The following COG8 variants were observed in gnomAD, a reference collection of about 807,000 sequenced individuals.
The protein encoded by COG8 is component of oligomeric golgi complex 8.
Under a neutral mutation model 46.5 loss-of-function variants are expected in COG8, and 45 were observed. That is an observed-to-expected ratio of 0.97 (90% CI 0.76 to 1.24). The LOEUF (loss-of-function observed/expected upper bound fraction) is 1.24, where lower values mean the gene tolerates loss of function less well. COG8 is among the 50% of genes most tolerant of loss of function. The probability of loss-of-function intolerance (pLI) is 0.00; values close to 1 mark genes in which losing one functional copy is unlikely to be tolerated. For missense variants in COG8, 793 were observed against 820.8 expected, an observed-to-expected ratio of 0.97 and a Z score of 0.41; for synonymous variants, 407 against 347.8, an observed-to-expected ratio of 1.17 and a Z score of -1.90.
rs2012089703 is a variant in COG8, at chr16:69,334,715, C to G, written c.1219G>C (p.Gly407Arg). 6.2e-7 allele frequency: 1 copy of G among 1,614,034 alleles called. No individual in the cohort carries two copies. Among genetic ancestry groups the G allele is most frequent in the African/African-American group, 1.3e-5 (1 of 74,928 alleles). The part of the protein sequence containing the change: ...YMLISAPAIL[G>R]TSNMPAAVPA... ...ACAGCAGCAGGCATGTTACTGGTGCCCAGGATGGCTGGAGCCGAGATGAGC... is the reference window on the plus strand; with the variant it reads ...ACAGCAGCAGGCATGTTACTGGTGCGCAGGATGGCTGGAGCCGAGATGAGC... The change falls in exon 3 of 6, where the codon GGC becomes CGC. Residue 407 changes from glycine to arginine, a missense_variant. Coordinates refer to ENST00000306875, the MANE Select transcript of COG8 (RefSeq NM_032382.5).
Position 69,339,484 on chromosome 16 carries a change from A to G in COG8, c.69T>C (p.Asp23=), listed in dbSNP as rs1301370887. 1.9e-6 allele frequency: 3 copies of G among 1,605,068 alleles called. No individual in the cohort carries two copies. In the Admixed American group the frequency reaches 5.0e-5, roughly 27 times the overall value. ...GGAACAGCGACGCCAGGAGCCCTTC[A>G]TCCTCCACCTCGCCGAGAGCCGCTG... ...ATAAALGEVE[D]EGLLASLFRD... The change falls in exon 1 of 6, where the codon GAT becomes GAC. Residue 23 remains aspartate, a synonymous_variant. Coordinates refer to ENST00000306875, the MANE Select transcript of COG8 (RefSeq NM_032382.5).
Position 69,336,662 on chromosome 16 carries a change from C to T in COG8, c.428G>A (p.Ser143Asn), listed in dbSNP as rs776301238. ...EEISSNRRMNSLTLNRHTEIL... is the reference protein window; with the variant it reads ...EEISSNRRMNNLTLNRHTEIL... Reference sequence around the variant, plus strand: ...TTCTGTGTGCCGGTTTAGGGTCAGGCTATTCATCCGGCGGTTGGAGCTGAT... The same window carrying T: ...TTCTGTGTGCCGGTTTAGGGTCAGGTTATTCATCCGGCGGTTGGAGCTGAT... Residue 143 changes from serine (S) to asparagine (N), a missense_variant, in exon 2 of 6, where the codon AGC (serine) becomes AAC (asparagine). Physicochemically the swap from Ser to Asn is conservative, Grantham distance 46. Coordinates refer to ENST00000306875, the MANE Select transcript of COG8 (RefSeq NM_032382.5). 2.5e-6 allele frequency: 4 copies of T among 1,614,128 alleles called. No individual in the cohort carries two copies. Among genetic ancestry groups the T allele is most frequent in the Non-Finnish European group, 3.4e-6 (4 of 1,180,038 alleles).
rs780759386 is a variant in COG8 at position 69,335,176 on chromosome 16, G to A, written c.758C>T (p.Ala253Val). 1.9e-6 allele frequency: 3 copies of A among 1,614,088 alleles called. No homozygotes were observed. Among genetic ancestry groups the A allele is most frequent in the Non-Finnish European group, 2.5e-6 (3 of 1,180,046 alleles). ...GGCAGTCAGGATGGACCGGAGCCAA[G>A]CATCTCGGGCCTGAAGAAACTTCAC... ...LRVKFLQARDAWLRSILTAIP... is the reference protein window; with the variant it reads ...LRVKFLQARDVWLRSILTAIP... The change falls in exon 3 of 6, where the codon GCT (alanine) becomes GTT (valine). Residue 253 changes from alanine (A) to valine (V), a missense_variant. Ala to Val is a moderately conservative substitution (Grantham distance 64). Transcript: ENST00000306875.
Position 69,328,948 on chromosome 16 carries a change from G to GT in COG8, c.*257dup. ...TGCGAGCCATCCAAGTTGATGCCAAGTAAGATTTGCCCAGCTCAAAGTGAA... is the reference window on the plus strand; with the variant it reads ...TGCGAGCCATCCAAGTTGATGCCAAGTTAAGATTTGCCCAGCTCAAAGTGAA... On this transcript the variant is annotated 3_prime_UTR_variant, in exon 6 of 6. Coordinates refer to ENST00000306875, the MANE Select transcript of COG8 (RefSeq NM_032382.5). 1 of 1,544,984 alleles carries GT rather than the reference G, an allele frequency of 6.5e-7. No homozygotes were observed. Among genetic ancestry groups the GT allele is most frequent in the Non-Finnish European group, 8.6e-7 (1 of 1,156,078 alleles).
chr16:69,334,894 C>T lies in COG8; in HGVS notation c.1040G>A (p.Gly347Asp). The change falls in exon 3 of 6, where the codon GGC becomes GAC. Residue 347 changes from glycine (G) to aspartate (D), a missense_variant. Transcript: ENST00000306875. ...GIGGHLDSLL[G>D]QCMYFGLSFS... is the part of the protein sequence containing the mutation. ...GGACAGCCCAAAGTACATGCACTGG[C>T]CCAGCAGAGAGTCCAGGTGGCCGCC... is the stretch of plus-strand genomic sequence containing the variant. The T allele has an allele frequency of 6.2e-7, 1 of 1,614,130 alleles. No homozygotes were observed. Among genetic ancestry groups the T allele is most frequent in the Non-Finnish European group, 8.5e-7 (1 of 1,179,966 alleles).
At chr16:69,331,511 AT>A (rs568053540) in intron 4 of COG8, among the ~76,000 whole-genome samples, 54 of 129,562 alleles carry the variant, frequency 4.2e-4, no homozygotes, top group South Asian at 2.8e-3. Flanking sequence ...AGCCATTACT[AT>A]TTTTTTTTTT....
Position 69,334,546 on chromosome 16 carries a change from C to A in COG8, c.1388G>T (p.Gly463Val), listed in dbSNP as rs1322113061. Residue 463 changes from glycine to valine, a missense_variant, in exon 3 of 6, where the codon GGG becomes GTG. Transcript: ENST00000306875. ...CPVALAQDVT[G>V]ALEDALAKVT... ...CTTGGCAAGGGCATCTTCCAAGGCC[C>A]CAGTCACATCCTGCGCCAGGGCCAC... The A allele has an allele frequency of 6.2e-7, 1 of 1,614,070 alleles. No homozygotes were observed. The highest frequency in any genetic ancestry group is 8.5e-7 in the Non-Finnish European group (1 of 1,180,050).
chr16:69,331,817 T>G lies in COG8; in HGVS notation c.1583-722A>C, dbSNP rs183018588. On this transcript the variant is annotated intron_variant, in intron 4 of 5. Transcript: ENST00000306875. ...CGCCCAGCCATCAATTACTATGTTT[T>G]AATACAGCAAAAACCACCTTTGTTA... Among the ~76,000 whole-genome samples, 58 of 152,258 alleles carry G rather than the reference T, an allele frequency of 3.8e-4. 2 individuals are homozygous for G. Among genetic ancestry groups the G allele is most frequent in the Admixed American group, 1.3e-4 (2 of 15,292 alleles).
Position 69,339,465 on chromosome 16 carries a change from G to A in COG8, c.88C>T (p.Leu30=), listed in dbSNP as rs773204970. The A allele has an allele frequency of 3.1e-6, 5 of 1,600,382 alleles. No individual in the cohort carries two copies. Among genetic ancestry groups the A allele is most frequent in the Non-Finnish European group, 4.2e-6 (5 of 1,178,386 alleles). The change falls in exon 1 of 6, where the codon CTG becomes TTG. Residue 30 remains leucine, a synonymous_variant. Coordinates refer to ENST00000306875, the MANE Select transcript of COG8 (RefSeq NM_032382.5). ...GCCTCGGGGAAGCGGTCCCGGAACA[G>A]CGACGCCAGGAGCCCTTCATCCTCC... The part of the protein sequence containing the change: ...EVEDEGLLAS[L]FRDRFPEAQW...
Position 69,334,729 on chromosome 16 carries a change from GC to G in COG8, c.1204del (p.Ala402LeufsTer29). 2 of 1,614,182 alleles carry G rather than the reference GC, an allele frequency of 1.2e-6. No homozygotes were observed. The highest frequency in any genetic ancestry group is 2.7e-5 in the African/African-American group (2 of 75,074). Reference protein sequence around the residue: ...EEMNSYMLISAPAILGTSNMP... With the variant: ...EEMNSYMLISXPAILGTSNMP... Reference sequence around the variant, plus strand: ...GTTACTGGTGCCCAGGATGGCTGGAGCCGAGATGAGCATGTAGGAGTTCATT... The same window carrying G: ...GTTACTGGTGCCCAGGATGGCTGGAGCGAGATGAGCATGTAGGAGTTCATT... On this transcript the variant is annotated frameshift_variant, in exon 3 of 6. Transcript: ENST00000306875. LOFTEE classifies it high-confidence loss of function.
rs1266226185 is a variant in COG8, at chr16:69,335,047, T to C, written c.887A>G (p.Glu296Gly). Residue 296 changes from glutamate (E) to glycine (G), a missense_variant, in exon 3 of 6, where the codon GAG (glutamate) becomes GGG (glycine). Physicochemically the swap from Glu to Gly is moderately conservative, Grantham distance 98. Coordinates refer to ENST00000306875, the MANE Select transcript of COG8 (RefSeq NM_032382.5). Reference protein sequence around the residue: ...ITQYRAIFSDEDPLLPPAMGE... With the variant: ...ITQYRAIFSDGDPLLPPAMGE... ...CATGGCAGGGGGCAGCAGTGGGTCC[T>C]CGTCTGAGAAGATGGCACGGTACTG... 1 of 1,614,150 alleles carries C rather than the reference T, an allele frequency of 6.2e-7. No homozygotes were observed.
chr16:69,333,771 TTGAGTCCAGGAG>T (rs1326724631), intron 3 of COG8, among the ~76,000 whole-genome samples: 1 of 152,182 alleles, frequency 6.6e-6, no homozygotes, highest in Non-Finnish European at 1.5e-5. Flanking sequence ...GGAGGATCAC[TTGAGTCCAGGAG>T]TTTGAGACCA....
rs569124919 is a variant in COG8, at chr16:69,335,336, C to T, written c.598G>A (p.Glu200Lys). 8 of 1,597,818 alleles carry T rather than the reference C, an allele frequency of 5.0e-6. No homozygotes were observed. The highest frequency in any genetic ancestry group is 6.8e-6 in the Non-Finnish European group (8 of 1,175,988). Residue 200 changes from glutamate (E) to lysine (K), a missense_variant, in exon 3 of 6, where the codon GAA (glutamate) becomes AAA (lysine). By Grantham distance (56) the Glu-to-Lys change is moderately conservative. Transcript: ENST00000306875. ...SIPVIQGIVN[E>K]VRQSMQLMLS... ...ATCAGCTGCATGGACTGGCGCACTT[C>T]GTTCACGATGCCCTGACAATACACA...
chr16:69,329,907 T>C, intron 5 of COG8: 1 of 1,396,066 alleles, frequency 7.2e-7, no homozygotes, highest in Non-Finnish European at 9.3e-7. Context: ...AGGTCCGGCG[T>C]ATGAACCGCG....
intron 2 of COG8, among the ~76,000 whole-genome samples, chr16:69,335,712 A>G (rs2012168872): frequency 6.6e-6 from 1 of 151,420 alleles, no homozygotes; most frequent in South Asian, 2.1e-4. Flanking sequence ...GTTACTCGGG[A>G]GGCAGAGGCA....
chr16:69,331,500 G>A (rs535851024), intron 4 of COG8, among the ~76,000 whole-genome samples: 11 of 134,078 alleles, frequency 8.2e-5, no homozygotes, highest in Admixed American at 6.0e-4. Flanking sequence ...GAAAAAAAAC[G>A]AGCCATTACT....
In COG8 at chr16:69,328,702, G is replaced by A. The variant is rs1965677734; in HGVS notation, c.*504C>T. 7.2e-6 allele frequency: 2 copies of A among 278,400 alleles called. No individual in the cohort carries two copies. The highest frequency in any genetic ancestry group is 5.8e-5 in the Admixed American group (1 of 17,228). The allele number at this position is 278,400 out of a possible 1,614,324, so 17.2% of individuals were successfully genotyped here. On this transcript the variant is annotated 3_prime_UTR_variant, in exon 6 of 6. Coordinates refer to ENST00000306875, the MANE Select transcript of COG8 (RefSeq NM_032382.5). ...CATTATTACCAAACCTTGGCTTTGGGAGATTATACAGGTCCGAGGAACTCG... is the reference window on the plus strand; with the variant it reads ...CATTATTACCAAACCTTGGCTTTGGAAGATTATACAGGTCCGAGGAACTCG...
Position 69,331,220 on chromosome 16 carries a change from G to C in COG8, c.1583-125C>G, listed in dbSNP as rs9928658. ...CCCAGCACTTTGGGAGGCCGGGGAG[G>C]GGGGGGCGGATCACCTGAGGTCAGG... On this transcript the variant is annotated intron_variant, in intron 4 of 5. Coordinates refer to ENST00000306875, the MANE Select transcript of COG8 (RefSeq NM_032382.5). 1.6e-3 allele frequency: 1,520 copies of C among 967,314 alleles called. 9 individuals carry two copies. The African/African-American group carries it at 0.018, about 11-fold the overall frequency. The allele number at this position is 967,314 out of a possible 1,614,324, so 59.9% of individuals were successfully genotyped here.
intron 5 of COG8, chr16:69,330,274 C>T (rs1465736993): frequency 6.9e-7 from 1 of 1,439,040 alleles, no homozygotes; most frequent in Non-Finnish European, 9.0e-7. Context: ...TCACCTGGAC[C>T]AGCCGTTGCG....
Sources: allele counts gnomAD v4.1 joint callset (sites outside exome capture counted in the v4.1 genomes callset), GRCh38; gene constraint gnomAD v4.1.1; transcripts MANE v1.5; gene names NCBI Gene and HGNC (gene_info 2026-07-23, HGNC 2026-07-21).